Variants in ULK2 observed in about 807,000 individuals in gnomAD.
ULK2 encodes the protein serine/threonine-protein kinase ULK2.
Under a neutral mutation model 127.5 loss-of-function variants are expected in ULK2, and 76 were observed. That is an observed-to-expected ratio of 0.60 (90% CI 0.50 to 0.72). ULK2 has a LOEUF of 0.72. Among genes scored for constraint, ULK2 ranks in the 30% least tolerant of loss-of-function variants. The pLI is 0.00. For missense variants in ULK2, 1,144 were observed against 1,295.9 expected, an observed-to-expected ratio of 0.88 and a Z score of 1.80; for synonymous variants, 452 against 461.9, an observed-to-expected ratio of 0.98 and a Z score of 0.28.
intron 18 of ULK2, among the ~76,000 whole-genome samples, chr17:19,796,994 T>C (rs943308352): frequency 1.3e-5 from 2 of 152,224 alleles, no homozygotes; most frequent in African/African-American, 4.8e-5. Flanking sequence ...AAGTGCTCAT[T>C]ATATTATAGC....
chr17:19,828,455 T>C (rs999194026), intron 10 of ULK2, among the ~76,000 whole-genome samples: 5 of 152,180 alleles, frequency 3.3e-5, no homozygotes, highest in Non-Finnish European at 5.9e-5. Context: ...AAGATATAAT[T>C]TGTGATATCA....
intron 3 of ULK2, among the ~76,000 whole-genome samples, chr17:19,851,180 A>T (rs1181288975): frequency 6.7e-6 from 1 of 148,270 alleles, no homozygotes; most frequent in African/African-American, 2.5e-5. Flanking sequence ...AAAAAAAATT[A>T]GCCAGGCATG....
Position 19,777,670 on chromosome 17 carries a change from A to G in ULK2, c.2963T>C (p.Ile988Thr), listed in dbSNP as rs532506732. 17 of 1,614,086 alleles carry G rather than the reference A, an allele frequency of 1.1e-5. No individual in the cohort carries two copies. Among genetic ancestry groups the G allele is most frequent in the African/African-American group, 2.7e-5 (2 of 75,052 alleles). ...LDEMFQQTEDIVYRYHKAALL... is the reference protein window; with the variant it reads ...LDEMFQQTEDTVYRYHKAALL... ...GGCTGCCTTATGATAGCGATAAACA[A>G]TATCTTCGGTCTGCTGAAACATCTC... The change falls in exon 26 of 27, where the codon ATT becomes ACT. Residue 988 changes from isoleucine (I) to threonine (T), a missense_variant. Physicochemically the swap from Ile to Thr is moderately conservative, Grantham distance 89. Coordinates refer to ENST00000395544, the MANE Select transcript of ULK2 (RefSeq NM_014683.4).
Position 19,867,465 on chromosome 17 carries a change from G to A in ULK2, c.-48C>T, listed in dbSNP as rs900682129. 12 of 1,520,784 alleles carry A rather than the reference G, an allele frequency of 7.9e-6. No homozygotes were observed. Among genetic ancestry groups the A allele is most frequent in the African/African-American group, 1.4e-5 (1 of 69,272 alleles). The allele number at this position is 1,520,784 out of a possible 1,614,324, so 94.2% of individuals were successfully genotyped here. On this transcript the variant is annotated 5_prime_UTR_variant, in exon 1 of 27. Transcript: ENST00000395544. ...GCGGACGGGCGGGCGGCGCAGTGCG[G>A]CGCAGGTATCAGCACCGCGGCTCCG...
intron 20 of ULK2, 81 bp downstream of exon 20, chr17:19,795,538 GTGA>G: frequency 4.5e-6 from 5 of 1,105,420 alleles, no homozygotes; most frequent in Non-Finnish European, 6.9e-6. Flanking sequence ...CACCAAGCAT[GTGA>G]TGATTTGTTA....
Position 19,796,129 on chromosome 17 carries a change from G to A in ULK2, c.1963C>T (p.Arg655Trp), listed in dbSNP as rs557671381. Reference protein sequence around the residue: ...CLLVQGSERQRAEQQSKAVFG... With the variant: ...CLLVQGSERQWAEQQSKAVFG... ...ACTGCCTTGCTCTGCTGCTCGGCCC[G>A]CTGCCTCTCACTTCCTTGCACTAAG... is the stretch of plus-strand genomic sequence containing the variant. Residue 655 changes from arginine (R) to tryptophan (W), a missense_variant, in exon 19 of 27, where the codon CGG becomes TGG. Coordinates refer to ENST00000395544, the MANE Select transcript of ULK2 (RefSeq NM_014683.4). 29 of 1,613,366 alleles carry A rather than the reference G, an allele frequency of 1.8e-5. No homozygotes were observed. The highest frequency in any genetic ancestry group is 1.8e-4 in the South Asian group (16 of 90,890).
chr17:19,789,236 T>C (rs1315253513), intron 20 of ULK2, among the ~76,000 whole-genome samples: 2 of 136,736 alleles, frequency 1.5e-5, no homozygotes, highest in East Asian at 2.4e-4. Context: ...TAGCTCAGCA[T>C]AGAAAGAGAG....
intron 12 of ULK2, 56 bp from the exon 13 acceptor site, chr17:19,816,976 T>C: frequency 1.3e-6 from 2 of 1,527,696 alleles, no homozygotes; most frequent in Non-Finnish European, 8.8e-7. Context: ...CAAGTCAGAA[T>C]AGTGACTAGA....
At chr17:19,808,483 A>G (rs1352290870) in intron 14 of ULK2, among the ~76,000 whole-genome samples, 1 of 152,242 alleles carries the variant, frequency 6.6e-6, no homozygotes, top group African/African-American at 2.4e-5. Flanking sequence ...ACAAAGAGTC[A>G]AAAGACAACC....
rs576556772 is a variant in ULK2, at chr17:19,839,666, A to G, written c.705-1083T>C. On this transcript the variant is annotated intron_variant, in intron 9 of 26. Coordinates refer to ENST00000395544, the MANE Select transcript of ULK2 (RefSeq NM_014683.4). Reference sequence around the variant, plus strand: ...ACAGAACAAGACTCTGTCTCAAAAAAAAAAAAAAAAGAAAGAAAAGAAAAG... The same window carrying G: ...ACAGAACAAGACTCTGTCTCAAAAAGAAAAAAAAAAGAAAGAAAAGAAAAG... Among the ~76,000 whole-genome samples, 1,025 of 151,846 alleles carry G rather than the reference A, an allele frequency of 6.8e-3. 12 individuals carry two copies. Among genetic ancestry groups the G allele is most frequent in the African/African-American group, 0.022 (926 of 41,466 alleles).
intron 3 of ULK2, among the ~76,000 whole-genome samples, chr17:19,859,836 C>T (rs765501249): frequency 3.3e-5 from 5 of 152,098 alleles, no homozygotes; most frequent in African/African-American, 1.2e-4. Context: ...TGCGCCACCA[C>T]ATCTGGCTAA....
intron 5 of ULK2, 152 bp from the exon 6 acceptor site, chr17:19,847,062 A>C (rs2041901590): frequency 1.4e-6 from 1 of 727,284 alleles, no homozygotes; most frequent in Admixed American, 3.6e-5. Context: ...TAATAATTGA[A>C]GACTATGAAG....
chr17:19,807,123 G>C (rs1014322246), intron 14 of ULK2, among the ~76,000 whole-genome samples: 1 of 152,196 alleles, frequency 6.6e-6, no homozygotes, highest in African/African-American at 2.4e-5. Flanking sequence ...ATGCATAAGA[G>C]CTCCTGTGAA....
intron 5 of ULK2, among the ~76,000 whole-genome samples, chr17:19,847,836 C>G (rs1439311141): frequency 6.6e-6 from 1 of 152,180 alleles, no homozygotes; most frequent in South Asian, 2.1e-4. Flanking sequence ...TGAGAGACAT[C>G]GTGACCAGCC....
chr17:19,784,892 G>A (rs551582999), intron 21 of ULK2, among the ~76,000 whole-genome samples: 8 of 151,942 alleles, frequency 5.3e-5, no homozygotes, highest in Non-Finnish European at 1.2e-4. Context: ...TCGTAAAATG[G>A]TATTTTCTTA....
intron 8 of ULK2, 95 bp downstream of exon 8, chr17:19,843,026 C>CA (rs1416785025): frequency 2.8e-6 from 3 of 1,078,984 alleles, no homozygotes; most frequent in Non-Finnish European, 4.3e-6. Flanking sequence ...GAGCCAAAAA[C>CA]ACTGCTTTCA....
intron 13 of ULK2, among the ~76,000 whole-genome samples, chr17:19,815,183 C>T (rs1597753777): frequency 6.6e-6 from 1 of 152,134 alleles, no homozygotes; most frequent in African/African-American, 2.4e-5. Context: ...ATGAAATCTA[C>T]AGGAAGAATA....
chr17:19,799,577 TAC>T lies in ULK2; in HGVS notation c.1442-4_1442-3del. ...TGAATTGCTCAGGAATGGTACCAAC[TAC>T]AAAAAAAAAAAAAAAAAAGATGGGG... On this transcript the variant is annotated splice_region_variant and splice_polypyrimidine_tract_variant and intron_variant, in intron 16 of 26. Transcript: ENST00000395544. 1 of 936,398 alleles carries T rather than the reference TAC, an allele frequency of 1.1e-6. No individual in the cohort carries two copies. The highest frequency in any genetic ancestry group is 1.3e-6 in the Non-Finnish European group (1 of 745,016). 58.0% of individuals were successfully genotyped at this position (936,398 alleles called of 1,614,324 possible).
At chr17:19,860,085 A>G (rs2042210180) in intron 3 of ULK2, among the ~76,000 whole-genome samples, 1 of 152,222 alleles carries the variant, frequency 6.6e-6, no homozygotes, top group Non-Finnish European at 1.5e-5. Context: ...TTTCTGTACA[A>G]ACACTACTAA....
Sources: gnomAD v4.1 joint callset for allele counts (sites outside exome capture counted in the v4.1 genomes callset) on GRCh38, gnomAD v4.1.1 for gene constraint, MANE v1.5 for transcripts, NCBI Gene and HGNC (gene_info 2026-07-23, HGNC 2026-07-21) for gene names.